The following CDC42BPA variants were observed in gnomAD, a reference collection of about 807,000 sequenced individuals.
The protein encoded by CDC42BPA is serine/threonine-protein kinase MRCK alpha.
In CDC42BPA, 80 loss-of-function variants were observed where a neutral mutation model predicts 223.5. That is an observed-to-expected ratio of 0.36 (90% CI 0.30 to 0.43). The LOEUF (loss-of-function observed/expected upper bound fraction) is 0.43. Ranked by LOEUF, CDC42BPA falls within the 20% of genes least tolerant of loss-of-function variation. The pLI, the probability that CDC42BPA is intolerant of heterozygous loss-of-function variation, is 1.00. For missense variants in CDC42BPA, 1,743 were observed against 2,099.9 expected (o/e 0.83, Z 3.32); for synonymous variants, 694 against 718.6 (o/e 0.97, Z 0.55).
chr1:227,214,849 C>T (rs1004494713), intron 2 of CDC42BPA, among the ~76,000 whole-genome samples: 1 of 152,016 alleles, frequency 6.6e-6, no homozygotes, highest in African/African-American at 2.4e-5. Context: ...TAGTACCCAC[C>T]CAATACTACT....
At chr1:227,276,010 T>TG (rs912935536) in intron 1 of CDC42BPA, among the ~76,000 whole-genome samples, 3 of 152,110 alleles carry the variant, frequency 2.0e-5, no homozygotes, top group Non-Finnish European at 2.9e-5. Flanking sequence ...TGGCAGCCTC[T>TG]GCCCAGCCGC....
intron 3 of CDC42BPA, among the ~76,000 whole-genome samples, chr1:227,210,247 T>C (rs986205531): frequency 3.9e-5 from 6 of 152,220 alleles, no homozygotes; most frequent in Non-Finnish European, 7.3e-5. Context: ...AGTAATGGGA[T>C]GACTGGGTCA....
At chr1:227,310,094 T>C (rs1693246738) in intron 1 of CDC42BPA, among the ~76,000 whole-genome samples, 1 of 152,188 alleles carries the variant, frequency 6.6e-6, no homozygotes, top group African/African-American at 2.4e-5. Flanking sequence ...AGGAAAACCA[T>C]GACCTTATAC....
intron 2 of CDC42BPA, among the ~76,000 whole-genome samples, chr1:227,214,971 A>G (rs1045950135): frequency 6.6e-6 from 1 of 152,182 alleles, no homozygotes; most frequent in African/African-American, 2.4e-5. Flanking sequence ...AAAGGTTTTC[A>G]TAACTCATTT....
chr1:227,015,748 G>C (rs1373919061), intron 34 of CDC42BPA, among the ~76,000 whole-genome samples: 1 of 152,034 alleles, frequency 6.6e-6, no homozygotes, highest in Non-Finnish European at 1.5e-5. Context: ...TGAAATTTTA[G>C]TGATTTGGTA....
intron 4 of CDC42BPA, among the ~76,000 whole-genome samples, chr1:227,194,709 G>A (rs1028114622): frequency 1.3e-5 from 2 of 152,146 alleles, no homozygotes; most frequent in African/African-American, 4.8e-5. Context: ...ACATATACAT[G>A]TGTATTTGTG....
chr1:227,081,546 G>A lies in CDC42BPA; in HGVS notation c.2356-529C>T, dbSNP rs142859584. 2.5e-3 allele frequency among the ~76,000 whole-genome samples: 386 copies of A among 151,434 alleles called. 9 individuals are homozygous for A. In the East Asian group the frequency reaches 0.047, roughly 19 times the overall value. On this transcript the variant is annotated intron_variant, in intron 16 of 36. Transcript: ENST00000366766. ...CAACTCACTGCAACTTCTGCCTCCC[G>A]GGTTCAAGCGATTCTCCTGTCTCAG... is the stretch of plus-strand genomic sequence containing the variant.
At chr1:227,077,434 TAAAG>T (rs947386209) in intron 17 of CDC42BPA, among the ~76,000 whole-genome samples, 4 of 152,190 alleles carry the variant, frequency 2.6e-5, no homozygotes, top group African/African-American at 9.6e-5. Context: ...TGGATTTAAA[TAAAG>T]AGAGACAAAG....
rs551420073 is a variant in CDC42BPA, at chr1:227,303,540, T to G, written c.178+13465A>C. ...CTCAACAGGGGAATTGCTCTAGAGT[T>G]TCTACTGCTTCTAAACCAGCCTCAA... On this transcript the variant is annotated intron_variant, in intron 1 of 36. Coordinates refer to ENST00000366766, the MANE Select transcript of CDC42BPA (RefSeq NM_001394014.1). 6.6e-4 allele frequency among the ~76,000 whole-genome samples: 100 copies of G among 152,288 alleles called. 1 individual carries two copies. Among genetic ancestry groups the G allele is most frequent in the African/African-American group, 2.3e-3 (94 of 41,562 alleles).
rs575491780 is a variant in CDC42BPA, at chr1:227,148,134, T to A, written c.694-575A>T. Among the ~76,000 whole-genome samples the A allele has an allele frequency of 3.9e-5, 6 of 152,250 alleles. No homozygotes were observed. In the East Asian group the frequency reaches 7.7e-4, roughly 20 times the overall value. ...ATAGAGAAAAAAAGTTGAGTACTTG[T>A]TATAGCAGGTTAGGTTTAATTAGAA... On this transcript the variant is annotated intron_variant, in intron 6 of 36. Transcript: ENST00000366766.
At chr1:227,089,583 T>G (rs1682659273) in intron 16 of CDC42BPA, among the ~76,000 whole-genome samples, 1 of 151,430 alleles carries the variant, frequency 6.6e-6, no homozygotes, top group Non-Finnish European at 1.5e-5. Context: ...AAGGTGCTAC[T>G]CATATCCTAC....
chr1:227,083,644 G>A (rs546382988), intron 16 of CDC42BPA, among the ~76,000 whole-genome samples: 4 of 152,154 alleles, frequency 2.6e-5, no homozygotes, highest in African/African-American at 4.8e-5. Flanking sequence ...GCCACATATC[G>A]TGTATACAAA....
rs773705183 is a variant in CDC42BPA at position 227,051,832 on chromosome 1, T to C, written c.3009+49A>G. On this transcript the variant is annotated intron_variant, in intron 22 of 36. Coordinates refer to ENST00000366766, the MANE Select transcript of CDC42BPA (RefSeq NM_001394014.1). ...GACTTGTTTTATTCAATTCCCTCTT[T>C]TCTGACACAAGTGAAAAGTTGGGGA... The C allele has an allele frequency of 6.4e-6, 7 of 1,086,954 alleles. No homozygotes were observed. The East Asian group carries it at 2.4e-4, about 38-fold the overall frequency. 67.3% of individuals were successfully genotyped at this position (1,086,954 alleles called of 1,614,324 possible).
chr1:227,101,243 T>C lies in CDC42BPA; in HGVS notation c.2002-4A>G, dbSNP rs779478754. 1.3e-6 allele frequency: 2 copies of C among 1,507,938 alleles called. No individual in the cohort carries two copies. The highest frequency in any genetic ancestry group is 8.9e-7 in the Non-Finnish European group (1 of 1,120,760). The allele number at this position is 1,507,938 out of a possible 1,614,324, so 93.4% of individuals were successfully genotyped here. A position where few individuals can be genotyped will look rare whatever the true frequency, so the allele number is the denominator to read the frequency against. On this transcript the variant is annotated splice_polypyrimidine_tract_variant and splice_region_variant and intron_variant, in intron 14 of 36. Coordinates refer to ENST00000366766, the MANE Select transcript of CDC42BPA (RefSeq NM_001394014.1). Reference sequence around the variant, plus strand: ...GTGAGTAACTAATTTGTTTTTGCTATAGAAATAATAACAAAAGATTAGTGC... The same window carrying C: ...GTGAGTAACTAATTTGTTTTTGCTACAGAAATAATAACAAAAGATTAGTGC...
Position 227,112,760 on chromosome 1 carries a change from G to A in CDC42BPA, c.1801C>T (p.Arg601Ter). Residue 601 changes from arginine (R) to a stop codon, truncating the protein, a stop_gained, in exon 13 of 37, where the codon CGA (arginine) becomes TGA (stop). Coordinates refer to ENST00000366766, the MANE Select transcript of CDC42BPA (RefSeq NM_001394014.1). LOFTEE classifies it high-confidence loss of function. ...TQKQKLARHV[R>*]DKEEEVDLVM... is the part of the protein sequence containing the mutation. The stretch of plus-strand genomic sequence containing the variant: ...AGGTCCACCTCTTCTTCCTTATCTC[G>A]GACATGGCGAGCAAGTTTCTGTTTT... 1 of 1,613,766 alleles carries A rather than the reference G, an allele frequency of 6.2e-7. No individual in the cohort carries two copies. The highest frequency in any genetic ancestry group is 8.5e-7 in the Non-Finnish European group (1 of 1,179,970).
intron 1 of CDC42BPA, among the ~76,000 whole-genome samples, chr1:227,268,049 G>A (rs1685296796): frequency 1.3e-5 from 2 of 152,170 alleles, no homozygotes. Context: ...TGGCAAAATT[G>A]TAGATAAAAT....
chr1:227,142,270 G>A lies in CDC42BPA; in HGVS notation c.1223+675C>T, dbSNP rs1000686183. 4.6e-5 allele frequency among the ~76,000 whole-genome samples: 7 copies of A among 152,156 alleles called. 1 individual carries two copies. The highest frequency in any genetic ancestry group is 4.1e-4 in the South Asian group (2 of 4,832). On this transcript the variant is annotated intron_variant, in intron 9 of 36. Transcript: ENST00000366766. ...AATCATTCTCAATGGAATTTAAACA[G>A]GGTAAGGGGGAAATAGGGAATATAA...
Position 227,145,654 on chromosome 1 carries a change from T to C in CDC42BPA, c.978A>G (p.Glu326=), listed in dbSNP as rs1660579229. The change falls in exon 8 of 37, where the codon GAA becomes GAG. Residue 326 remains glutamate, a synonymous_variant. Transcript: ENST00000366766. The part of the protein sequence containing the change: ...DLIRRLICSR[E]HRLGQNGIED... Reference sequence around the variant, plus strand: ...CTATTCCATTTTGACCAAGTCGATGTTCTCTGCTACAAATGAGCCTTCGAA... The same window carrying C: ...CTATTCCATTTTGACCAAGTCGATGCTCTCTGCTACAAATGAGCCTTCGAA... 1 of 1,613,868 alleles carries C rather than the reference T, an allele frequency of 6.2e-7. No individual in the cohort carries two copies. The highest frequency in any genetic ancestry group is 1.7e-5 in the Admixed American group (1 of 60,022).
At chr1:227,309,186 T>G (rs1293056610) in intron 1 of CDC42BPA, among the ~76,000 whole-genome samples, 1 of 141,598 alleles carries the variant, frequency 7.1e-6, no homozygotes, top group Non-Finnish European at 1.5e-5. Context: ...GACAACATAG[T>G]GAGACCCTAT....
Sources: gnomAD v4.1 joint callset for allele counts (sites outside exome capture counted in the v4.1 genomes callset) on GRCh38, gnomAD v4.1.1 for gene constraint, MANE v1.5 for transcripts, NCBI Gene and HGNC (gene_info 2026-07-23, HGNC 2026-07-21) for gene names.